PTCHD4: variants seen among roughly 807,000 people sequenced by gnomAD.
PTCHD4 encodes the protein patched domain containing 4, also known as patched domain-containing protein 4.
PTCHD4 carries 33 observed loss-of-function variants against 58.1 expected under a neutral mutation model. The observed-to-expected ratio is 0.57, with a 90% confidence interval of 0.43 to 0.76. The LOEUF is 0.76. PTCHD4 is among the 30% of genes least tolerant of loss of function. PTCHD4 has a pLI of 0.00. For missense variants in PTCHD4, 1,058 were observed against 1,027.1 expected (o/e 1.03, Z -0.41); for synonymous variants, 478 against 409.6 (o/e 1.17, Z -2.02).
At chr6:47,924,866 T>C (rs550354911) in intron 4 of PTCHD4, among the ~76,000 whole-genome samples, 2 of 152,174 alleles carry the variant, frequency 1.3e-5, no homozygotes, top group South Asian at 4.1e-4. Flanking sequence ...CCCAACCGCC[T>C]TATATAACAC....
intron 3 of PTCHD4, among the ~76,000 whole-genome samples, chr6:48,030,145 G>A (rs1763384615): frequency 6.6e-6 from 1 of 151,912 alleles, no homozygotes; most frequent in Admixed American, 6.6e-5. Flanking sequence ...AAGAAAAAAA[G>A]GTCTATGTAG....
At chr6:47,950,657 C>T (rs1001736751) in intron 4 of PTCHD4, among the ~76,000 whole-genome samples, 7 of 152,160 alleles carry the variant, frequency 4.6e-5, no homozygotes, top group Non-Finnish European at 8.8e-5. Flanking sequence ...ATGGAATACC[C>T]ATGAAGAAAT....
intron 4 of PTCHD4, among the ~76,000 whole-genome samples, chr6:47,939,761 G>T (rs1766138853): frequency 6.6e-6 from 1 of 152,148 alleles, no homozygotes; most frequent in African/African-American, 2.4e-5. Flanking sequence ...TTACAGTTTT[G>T]ACACGTGATG....
chr6:47,959,001 A>C (rs1258301465), intron 4 of PTCHD4, among the ~76,000 whole-genome samples: 1 of 152,236 alleles, frequency 6.6e-6, no homozygotes, highest in Non-Finnish European at 1.5e-5. Flanking sequence ...TAACAATCAT[A>C]GACATACAAA....
intron 3 of PTCHD4, among the ~76,000 whole-genome samples, chr6:48,012,702 C>T (rs1212660003): frequency 1.3e-5 from 2 of 152,124 alleles, no homozygotes; most frequent in African/African-American, 4.8e-5. Context: ...ATGATATTGG[C>T]TATGGATCTG....
Position 48,014,547 on chromosome 6 carries a change from T to C in PTCHD4, c.418-5433A>G, listed in dbSNP as rs1044673959. On this transcript the variant is annotated intron_variant, in intron 3 of 4. Transcript: ENST00000339488. ...CATGGCTAATTCATTAGTTCATGGC[T>C]AGTTTATTTGGTTTTCTTATCTATA... Among the ~76,000 whole-genome samples the C allele has an allele frequency of 6.6e-5, 10 of 152,272 alleles. 1 individual carries two copies. The highest frequency in any genetic ancestry group is 1.3e-4 in the Admixed American group (2 of 15,284).
At chr6:48,107,785 G>A (rs1765766485) in intron 1 of PTCHD4, among the ~76,000 whole-genome samples, 1 of 152,148 alleles carries the variant, frequency 6.6e-6, no homozygotes, top group Admixed American at 6.5e-5. Context: ...CAAAAAGTGG[G>A]CAAAGGATAT....
At chr6:48,102,345 A>G (rs1386259153) in intron 1 of PTCHD4, among the ~76,000 whole-genome samples, 2 of 152,252 alleles carry the variant, frequency 1.3e-5, no homozygotes, top group African/African-American at 4.8e-5. Context: ...ATCTGATTGA[A>G]AATTATTCTT....
intron 4 of PTCHD4, among the ~76,000 whole-genome samples, chr6:47,932,981 A>C (rs925387258): frequency 6.6e-6 from 1 of 152,250 alleles, no homozygotes; most frequent in Admixed American, 6.5e-5. Flanking sequence ...AGAGTATAGA[A>C]TATCTAGAAG....
chr6:48,028,662 C>T (rs1057135157), intron 3 of PTCHD4, among the ~76,000 whole-genome samples: 6 of 151,928 alleles, frequency 3.9e-5, no homozygotes, highest in African/African-American at 1.4e-4. Flanking sequence ...TCCTATAAAT[C>T]AAAGATTTTG....
Position 47,878,582 on chromosome 6 carries a change from G to A in PTCHD4, c.2253C>T (p.Asp751=). The change falls in exon 5 of 5, where the codon GAC becomes GAT. Residue 751 remains aspartate, a synonymous_variant. Transcript: ENST00000339488. ...CATTTTGCAAAATGGCTGTCCCATG[G>A]TCTTGCAAGGAGCTTTTTATACATT... ...RTQCIKSSLQ[D]HGTAILQNVT... 6.2e-7 allele frequency: 1 copy of A among 1,613,578 alleles called. No homozygotes were observed. Among genetic ancestry groups the A allele is most frequent in the South Asian group, 1.1e-5 (1 of 91,066 alleles).
chr6:47,889,942 C>T (rs571431727), intron 4 of PTCHD4, among the ~76,000 whole-genome samples: 12 of 152,068 alleles, frequency 7.9e-5, no homozygotes, highest in South Asian at 2.1e-4. Flanking sequence ...AGAAAATTTT[C>T]GCAACCTACT....
chr6:47,871,354 A>AT lies in PTCHD4; in HGVS notation c.*6948dup, dbSNP rs923932770. ...AATAAACAAACAAACACCCGAACAGATTTTTTCCTCCAAGAAAAGTGATAA... is the reference window on the plus strand; with the variant it reads ...AATAAACAAACAAACACCCGAACAGATTTTTTTCCTCCAAGAAAAGTGATAA... On this transcript the variant is annotated 3_prime_UTR_variant, in exon 5 of 5. Coordinates refer to ENST00000339488, the MANE Select transcript of PTCHD4 (RefSeq NM_001384253.1). Among the ~76,000 whole-genome samples the AT allele has an allele frequency of 1.3e-5, 2 of 151,572 alleles. No individual in the cohort carries two copies. Among genetic ancestry groups the AT allele is most frequent in the Non-Finnish European group, 3.0e-5 (2 of 67,704 alleles).
At chr6:47,913,483 C>G (rs1765132021) in intron 4 of PTCHD4, among the ~76,000 whole-genome samples, 1 of 152,002 alleles carries the variant, frequency 6.6e-6, no homozygotes, top group Admixed American at 6.6e-5. Flanking sequence ...GGTAAAAAAT[C>G]AGAGAAAGAA....
At chr6:47,952,644 A>G (rs1016862210) in intron 4 of PTCHD4, among the ~76,000 whole-genome samples, 1 of 152,118 alleles carries the variant, frequency 6.6e-6, no homozygotes, top group Non-Finnish European at 1.5e-5. Flanking sequence ...CTTTATTTAG[A>G]TATGCAAATG....
intron 1 of PTCHD4, among the ~76,000 whole-genome samples, chr6:48,104,551 C>A (rs1282333125): frequency 6.6e-6 from 1 of 152,140 alleles, no homozygotes; most frequent in Non-Finnish European, 1.5e-5. Context: ...AACTAATGAG[C>A]AAACTAACCA....
chr6:48,052,475 C>T (rs567679076), intron 3 of PTCHD4, among the ~76,000 whole-genome samples: 57 of 151,938 alleles, frequency 3.8e-4, no homozygotes, highest in Middle Eastern at 3.4e-3. Context: ...GAGTAAGTTA[C>T]TAAGGAAATT....
At chr6:47,976,285 T>C (rs112908598) in intron 4 of PTCHD4, among the ~76,000 whole-genome samples, 20 of 152,344 alleles carry the variant, frequency 1.3e-4, no homozygotes, top group African/African-American at 4.6e-4. Context: ...ATAGGGGGAA[T>C]AAATTATCCT....
intron 4 of PTCHD4, among the ~76,000 whole-genome samples, chr6:47,896,320 C>G (rs1406892028): frequency 6.6e-6 from 1 of 152,298 alleles, no homozygotes; most frequent in African/African-American, 2.4e-5. Context: ...AGGAAAGAAA[C>G]CCGTTTCTCT....
Sources: allele counts gnomAD v4.1 joint callset (sites outside exome capture counted in the v4.1 genomes callset), GRCh38; gene constraint gnomAD v4.1.1; transcripts MANE v1.5; gene names NCBI Gene and HGNC (gene_info 2026-07-23, HGNC 2026-07-21).